The following NXPE2 variants were observed in gnomAD, a reference collection of about 807,000 sequenced individuals.
NXPE2 encodes the protein NXPE family member 2.
In NXPE2, 34 loss-of-function variants were observed where a neutral mutation model predicts 34.4. The observed-to-expected ratio is 0.99, with a 90% confidence interval of 0.75 to 1.31. NXPE2 has a LOEUF of 1.31. Among genes scored for constraint, NXPE2 ranks in the 40% most tolerant of loss-of-function variants. NXPE2 has a pLI of 0.00. For synonymous variants in NXPE2, 235 were observed against 231.3 expected, an observed-to-expected ratio of 1.02 and a Z score of -0.15; for missense variants, 649 against 672.5, an observed-to-expected ratio of 0.97 and a Z score of 0.39.
At chr11:114,478,972 A>G in the NXPE2 span, among the ~76,000 whole-genome samples, 1 of 152,230 alleles carries the variant, frequency 6.6e-6, no homozygotes, top group Non-Finnish European at 1.5e-5. Flanking sequence ...AGCCAGTGCC[A>G]TGAGTGTGAC....
the NXPE2 span, chr11:114,580,318 C>A: frequency 6.2e-7 from 1 of 1,613,938 alleles, no homozygotes; most frequent in Non-Finnish European, 8.5e-7. Context: ...TTGCATTTCT[C>A]TTTCATTGCA....
At chr11:114,630,934 C>T in the NXPE2 span, among the ~76,000 whole-genome samples, 3 of 151,396 alleles carry the variant, frequency 2.0e-5, no homozygotes, top group Admixed American at 6.6e-5. Context: ...TGCTCACCAT[C>T]ACTGGCCATC....
At chr11:114,634,922 G>A in the NXPE2 span, among the ~76,000 whole-genome samples, 1 of 151,860 alleles carries the variant, frequency 6.6e-6, no homozygotes, top group Non-Finnish European at 1.5e-5. Flanking sequence ...TGTTCTTTTG[G>A]CTTAGGATGA....
chr11:114,722,334 C>T, the NXPE2 span, among the ~76,000 whole-genome samples: 1 of 152,110 alleles, frequency 6.6e-6, no homozygotes, highest in Non-Finnish European at 1.5e-5. Context: ...CCATGTAATA[C>T]ATGCCTGCTT....
the NXPE2 span, among the ~76,000 whole-genome samples, chr11:114,755,465 C>T: frequency 6.6e-6 from 1 of 152,178 alleles, no homozygotes; most frequent in East Asian, 1.9e-4. Flanking sequence ...CAATAAGCAT[C>T]CATGTAGCCT....
the NXPE2 span, among the ~76,000 whole-genome samples, chr11:114,649,033 C>A: frequency 1.3e-5 from 2 of 151,954 alleles, no homozygotes; most frequent in African/African-American, 4.8e-5. Context: ...CAATTACAGT[C>A]CTTGTTTATG....
the NXPE2 span, among the ~76,000 whole-genome samples, chr11:114,624,798 C>T: frequency 0.02 from 3,016 of 151,578 alleles, 51 homozygotes; most frequent in Non-Finnish European, 0.033. Context: ...CACTGTTACC[C>T]GGTGGATAGT....
the NXPE2 span, among the ~76,000 whole-genome samples, chr11:114,762,312 T>C: frequency 6.6e-6 from 1 of 152,082 alleles, no homozygotes; most frequent in African/African-American, 2.4e-5. Flanking sequence ...GGAGTGTGCA[T>C]GCGCAGGTTA....
At chr11:114,488,901 A>G in the NXPE2 span, among the ~76,000 whole-genome samples, 138 of 152,288 alleles carry the variant, frequency 9.1e-4, 2 homozygotes, top group East Asian at 0.026. Flanking sequence ...AACCCTTCAA[A>G]AAATCAATGA....
intron 2 of NXPE2, among the ~76,000 whole-genome samples, chr11:114,695,172 A>G (rs117015612): frequency 1.3e-5 from 2 of 152,272 alleles, no homozygotes; most frequent in Non-Finnish European, 2.9e-5. Context: ...TGTGTCTCCT[A>G]GAGACTTCAT....
At chr11:114,484,323 A>C in the NXPE2 span, among the ~76,000 whole-genome samples, 4 of 152,100 alleles carry the variant, frequency 2.6e-5, no homozygotes, top group Admixed American at 2.6e-4. Context: ...TATCTGGGGT[A>C]TTTTTATTGC....
chr11:114,552,860 T>C, the NXPE2 span: 1 of 977,106 alleles, frequency 1.0e-6, no homozygotes, highest in Non-Finnish European at 1.2e-6. Flanking sequence ...ACCCAATAGG[T>C]GTCAGGTAGC....
chr11:114,610,661 G>T, the NXPE2 span, among the ~76,000 whole-genome samples: 8 of 151,804 alleles, frequency 5.3e-5, no homozygotes, highest in Admixed American at 4.6e-4. Flanking sequence ...TTAACCGGTG[G>T]ATAATACATG....
chr11:114,704,392 G>A (rs1034860015), intron 4 of NXPE2, among the ~76,000 whole-genome samples: 21 of 152,162 alleles, frequency 1.4e-4, no homozygotes, highest in African/African-American at 4.8e-4. Flanking sequence ...TGTCTCAGAT[G>A]AGCTGCACAG....
At chr11:114,810,103 T>C in the NXPE2 span, among the ~76,000 whole-genome samples, 2 of 147,830 alleles carry the variant, frequency 1.4e-5, no homozygotes, top group South Asian at 4.3e-4. Context: ...GGATTCCCTA[T>C]TTAATAAATG....
chr11:114,653,533 C>T, the NXPE2 span, among the ~76,000 whole-genome samples: 5 of 103,514 alleles, frequency 4.8e-5, no homozygotes, highest in South Asian at 1.0e-3. Flanking sequence ...CCTGCTTTCC[C>T]TTTTTTTTTT....
the NXPE2 span, among the ~76,000 whole-genome samples, chr11:114,813,222 A>G: frequency 6.6e-6 from 1 of 152,242 alleles, no homozygotes; most frequent in East Asian, 1.9e-4. Flanking sequence ...GGTTCCTCCC[A>G]GGAGCTGCCA....
chr11:114,621,853 A>T, the NXPE2 span, among the ~76,000 whole-genome samples: 6 of 151,520 alleles, frequency 4.0e-5, no homozygotes, highest in Non-Finnish European at 8.8e-5. Flanking sequence ...ATATTGCCTC[A>T]TGGGTAAACA....
the NXPE2 span, among the ~76,000 whole-genome samples, chr11:114,464,477 T>C: frequency 6.6e-6 from 1 of 152,204 alleles, no homozygotes; most frequent in African/African-American, 2.4e-5. Context: ...CATGATATTT[T>C]CACATTACTT....
Sources: allele counts gnomAD v4.1 joint callset (sites outside exome capture counted in the v4.1 genomes callset), GRCh38; gene constraint gnomAD v4.1.1; transcripts MANE v1.5; gene names NCBI Gene and HGNC (gene_info 2026-07-23, HGNC 2026-07-21).